SRGAP2: variants seen among roughly 807,000 people sequenced by gnomAD.
The protein encoded by SRGAP2 is SLIT-ROBO Rho GTPase activating protein 2.
In SRGAP2, 15 loss-of-function variants were observed where a neutral mutation model predicts 57.2. The ratio of observed to expected loss-of-function variants is 0.26; its 90% confidence interval spans 0.18 to 0.40. SRGAP2 has a LOEUF of 0.40. Among genes scored for constraint, SRGAP2 ranks in the 10% least tolerant of loss-of-function variants. The probability of loss-of-function intolerance (pLI) is 1.00; values close to 1 mark genes in which losing one functional copy is unlikely to be tolerated. For missense variants in SRGAP2, 520 were observed against 669.6 expected, an observed-to-expected ratio of 0.78 and a Z score of 2.47; for synonymous variants, 249 against 248.0, an observed-to-expected ratio of 1.00 and a Z score of -0.04.
At chr1:206,227,274 T>C (rs1313534599) in intron 2 of SRGAP2, among the ~76,000 whole-genome samples, 39 of 152,100 alleles carry the variant, frequency 2.6e-4, no homozygotes, top group Admixed American at 5.2e-4. Context: ...ATAATAAATG[T>C]GTATTGGATG....
intron 17 of SRGAP2, among the ~76,000 whole-genome samples, chr1:206,444,197 C>T (rs184205299): frequency 1.2e-3 from 187 of 151,668 alleles, no homozygotes; most frequent in African/African-American, 4.1e-3. Flanking sequence ...AAAAAAGAAC[C>T]ACTGCTTCAG....
At chr1:206,220,579 C>T (rs1553304452) in intron 2 of SRGAP2, among the ~76,000 whole-genome samples, 1 of 152,214 alleles carries the variant, frequency 6.6e-6, no homozygotes, top group Non-Finnish European at 1.5e-5. Context: ...AAAATCCTTT[C>T]CAGAATAGTA....
At chr1:206,305,674 GAATA>G (rs1672149739) in intron 3 of SRGAP2, among the ~76,000 whole-genome samples, 2 of 150,472 alleles carry the variant, frequency 1.3e-5, no homozygotes, top group African/African-American at 2.5e-5. Flanking sequence ...AAATATTGTG[GAATA>G]AATAAATGAA....
intron 4 of SRGAP2, among the ~76,000 whole-genome samples, chr1:206,381,271 T>C (rs1313751656): frequency 6.6e-6 from 1 of 151,206 alleles, no homozygotes; most frequent in Non-Finnish European, 1.5e-5. Context: ...AGCAACAGGG[T>C]AGAGGAATAG....
intron 17 of SRGAP2, among the ~76,000 whole-genome samples, chr1:206,444,371 G>A (rs1016856682): frequency 3.9e-5 from 6 of 152,226 alleles, no homozygotes; most frequent in Non-Finnish European, 7.3e-5. Context: ...GAATTGAACA[G>A]TTCTTACCTT....
At chr1:206,206,286 A>C in intron 2 of SRGAP2, 1 of 476,408 alleles carries the variant, frequency 2.1e-6, no homozygotes, top group Non-Finnish European at 3.8e-6. Context: ...TGATTTTGGC[A>C]GCCCTTTCCC....
At chr1:206,423,949 A>ATTGTT (rs1660553477) in intron 13 of SRGAP2, among the ~76,000 whole-genome samples, 1 of 87,744 alleles carries the variant, frequency 1.1e-5, no homozygotes, top group African/African-American at 4.2e-5. Flanking sequence ...TAATTTATGT[A>ATTGTT]TTTTTTTTTT....
At chr1:206,220,929 A>C (rs1571599284) in intron 2 of SRGAP2, among the ~76,000 whole-genome samples, 1 of 142,192 alleles carries the variant, frequency 7.0e-6, no homozygotes, top group African/African-American at 2.7e-5. Context: ...TTTATTTAGC[A>C]CCTACTGTAT....
chr1:206,307,266 G>A (rs1265776608), intron 3 of SRGAP2, among the ~76,000 whole-genome samples: 1 of 151,958 alleles, frequency 6.6e-6, no homozygotes, highest in Admixed American at 6.6e-5. Flanking sequence ...GATACAGAGT[G>A]TCGATTGGTG....
At chr1:206,448,067 C>T (rs532056894) in intron 18 of SRGAP2, among the ~76,000 whole-genome samples, 47 of 152,280 alleles carry the variant, frequency 3.1e-4, no homozygotes, top group African/African-American at 8.9e-4. Context: ...ACCTTCTAAC[C>T]GCTGGATTCA....
intron 13 of SRGAP2, among the ~76,000 whole-genome samples, chr1:206,424,067 A>T (rs1283970144): frequency 6.8e-6 from 1 of 147,048 alleles, no homozygotes; most frequent in African/African-American, 2.5e-5. Flanking sequence ...TGCTGGGATT[A>T]TAGGCGTGAG....
At chr1:206,323,249 C>T (rs1673604367) in intron 3 of SRGAP2, among the ~76,000 whole-genome samples, 1 of 151,764 alleles carries the variant, frequency 6.6e-6, no homozygotes, top group African/African-American at 2.4e-5. Flanking sequence ...TTAATGTTTT[C>T]CTCTCCGGAA....
chr1:206,453,803 C>T, intron 20 of SRGAP2: 2 of 304,038 alleles, frequency 6.6e-6, no homozygotes, highest in Non-Finnish European at 1.2e-5. Flanking sequence ...TGTTGAGCCA[C>T]TCTTCCACTT....
chr1:206,454,917 G>A lies in SRGAP2; in HGVS notation c.2400G>A (p.Glu800=). 1.3e-6 allele frequency: 1 copy of A among 780,344 alleles called. No individual in the cohort carries two copies. Among genetic ancestry groups the A allele is most frequent in the South Asian group, 1.3e-5 (1 of 74,576 alleles). 48.3% of individuals were successfully genotyped at this position (780,344 alleles called of 1,614,324 possible). Residue 800 remains glutamate, a synonymous_variant, in exon 21 of 23, where the codon GAG becomes GAA. Coordinates refer to ENST00000573034, the MANE Select transcript of SRGAP2 (RefSeq NM_015326.5). The surrounding 1 kb of genome is among the most constrained non-coding windows in gnomAD (Gnocchi z 4.3). ...GVVERSSPKS[E]IEVISEPPEE... ...TGGAGAGGTCCAGCCCCAAGTCTGA[G>A]ATTGAGGTCATTTCTGAGCCACCTG...
At chr1:206,394,261 G>A (rs1310673619) in intron 7 of SRGAP2, among the ~76,000 whole-genome samples, 1 of 150,198 alleles carries the variant, frequency 6.7e-6, no homozygotes, top group East Asian at 2.0e-4. Flanking sequence ...TAGTGAAGCT[G>A]ATCTGGAACT....
chr1:206,446,845 C>G (rs1249116216), intron 18 of SRGAP2, among the ~76,000 whole-genome samples: 1 of 152,196 alleles, frequency 6.6e-6, no homozygotes, highest in Non-Finnish European at 1.5e-5. Context: ...CCTGAAGCAG[C>G]ATTCCATTCT....
At chr1:206,457,025 C>A (rs535157772) in intron 21 of SRGAP2, among the ~76,000 whole-genome samples, 1 of 152,078 alleles carries the variant, frequency 6.6e-6, no homozygotes, top group Non-Finnish European at 1.5e-5. Flanking sequence ...ACTTTGAATA[C>A]CTTTTGGTAC....
chr1:206,392,011 C>G (rs1281481015), intron 5 of SRGAP2, among the ~76,000 whole-genome samples: 1 of 149,718 alleles, frequency 6.7e-6, no homozygotes, highest in Non-Finnish European at 1.5e-5. Context: ...GGGTTGTTGT[C>G]TAGATTGTGG....
chr1:206,243,906 T>TAAG (rs1668391755), intron 2 of SRGAP2, among the ~76,000 whole-genome samples: 1 of 135,132 alleles, frequency 7.4e-6, no homozygotes, highest in Admixed American at 7.5e-5. Context: ...CTTTGAAAGT[T>TAAG]AAGAGCAGGA....
Sources: allele counts gnomAD v4.1 joint callset (sites outside exome capture counted in the v4.1 genomes callset), GRCh38; gene constraint gnomAD v4.1.1; non-coding constraint Gnocchi (gnomAD v3.1); transcripts MANE v1.5; gene names NCBI Gene and HGNC (gene_info 2026-07-23, HGNC 2026-07-21).